BLOC1S3: variants seen among roughly 807,000 people sequenced by gnomAD.
BLOC1S3 encodes biogenesis of lysosomal organelles complex 1 subunit 3.
BLOC1S3 carries 7 observed loss-of-function variants against 9.1 expected under a neutral mutation model. The ratio of observed to expected loss-of-function variants is 0.77; its 90% CI spans 0.44 to 1.45. BLOC1S3 has a LOEUF of 1.45. Ranked by LOEUF, BLOC1S3 falls within the 40% of genes most tolerant of loss-of-function variation. BLOC1S3 has a pLI of 0.01. For missense variants in BLOC1S3, 307 were observed against 315.2 expected, an observed-to-expected ratio of 0.97 and a Z score of 0.20; for synonymous variants, 145 against 158.4, an observed-to-expected ratio of 0.92 and a Z score of 0.64.
rs1969494571 is a variant in BLOC1S3, at chr19:45,180,048, T to C, written c.*143T>C. The C allele has an allele frequency of 1.1e-6, 1 of 896,212 alleles. No individual in the cohort carries two copies. 55.5% of individuals were successfully genotyped at this position (896,212 alleles called of 1,614,324 possible). ...ACCCATGGGGGCTAATCCGGTCCCCTTGGATAATGCTTTATATTGGATATA... is the reference window on the plus strand; with the variant it reads ...ACCCATGGGGGCTAATCCGGTCCCCCTGGATAATGCTTTATATTGGATATA... On this transcript the variant is annotated 3_prime_UTR_variant, in exon 2 of 2. Transcript: ENST00000433642.
intron 2 of BLOC1S3, among the ~76,000 whole-genome samples, chr19:45,188,233 G>T (rs1334245765): frequency 6.6e-6 from 1 of 152,174 alleles, no homozygotes; most frequent in Non-Finnish European, 1.5e-5. Context: ...ATGTTGGCCA[G>T]GCTGGTCTCG....
chr19:45,213,240 G>C (rs536261489), intron 3 of BLOC1S3: 2 of 1,613,266 alleles, frequency 1.2e-6, no homozygotes, highest in African/African-American at 2.7e-5. Context: ...GGTCCCGAGG[G>C]GGTGACAGGG....
rs571081592 is a variant in BLOC1S3, at chr19:45,210,564, G to A, written n.283-6112G>A. Among the ~76,000 whole-genome samples the A allele has an allele frequency of 9.3e-5, 14 of 151,244 alleles. No individual in the cohort carries two copies. In the East Asian group the frequency reaches 2.1e-3, roughly 23 times the overall value. On this transcript the variant is annotated intron_variant and non_coding_transcript_variant, in intron 3 of 3. Coordinates refer to the BLOC1S3 transcript ENST00000591569. ...TCCGCCCACCTCGGCCTCCCAAAGCGCTGGGATTACAGGTGTGAGCCACCT... is the reference window on the plus strand; with the variant it reads ...TCCGCCCACCTCGGCCTCCCAAAGCACTGGGATTACAGGTGTGAGCCACCT...
intron 2 of BLOC1S3, among the ~76,000 whole-genome samples, chr19:45,199,254 A>T (rs1424573801): frequency 5.3e-5 from 8 of 150,004 alleles, no homozygotes; most frequent in Admixed American, 5.3e-4. Context: ...GGCCAATAAA[A>T]CTCAGATTTT....
At chr19:45,183,925 A>G (rs1308328336), downstream of BLOC1S3, among the ~76,000 whole-genome samples, 1 of 151,890 alleles carries the variant, frequency 6.6e-6, no homozygotes, top group Non-Finnish European at 1.5e-5. Context: ...ATGAGCCACC[A>G]CACCTGGTCA....
chr19:45,192,701 A>G (rs1167787656), intron 2 of BLOC1S3, among the ~76,000 whole-genome samples: 2 of 152,186 alleles, frequency 1.3e-5, no homozygotes, highest in Admixed American at 1.3e-4. Context: ...AGATGTTTCT[A>G]GAAATCGCCT....
Position 45,179,504 on chromosome 19 carries a change from G to C in BLOC1S3, c.208G>C (p.Glu70Gln). 8 of 1,523,818 alleles carry C rather than the reference G, an allele frequency of 5.2e-6. No individual in the cohort carries two copies. Among genetic ancestry groups the C allele is most frequent in the Non-Finnish European group, 7.0e-6 (8 of 1,142,836 alleles). 94.4% of individuals were successfully genotyped at this position (1,523,818 alleles called of 1,614,324 possible). A position where few individuals can be genotyped will look rare whatever the true frequency, so the allele number is the denominator to read the frequency against. The change falls in exon 2 of 2, where the codon GAG becomes CAG. Residue 70 changes from glutamate (E) to glutamine (Q), a missense_variant. Physicochemically the swap from Glu to Gln is conservative, Grantham distance 29. Coordinates refer to ENST00000433642, the MANE Select transcript of BLOC1S3 (RefSeq NM_212550.5). The surrounding 1 kb of genome is among the most constrained non-coding windows in gnomAD (Gnocchi z 4.6). Reference protein sequence around the residue: ...AAETDSEPEPEPEPTAAPRDL... With the variant: ...AAETDSEPEPQPEPTAAPRDL... ...GGAGACCGACTCGGAGCCGGAGCCG[G>C]AGCCGGAACCGACGGCCGCGCCGAG...
intron 3 of BLOC1S3, among the ~76,000 whole-genome samples, chr19:45,213,719 C>T (rs994271638): frequency 1.1e-4 from 17 of 151,728 alleles, no homozygotes; most frequent in South Asian, 2.1e-4. Flanking sequence ...CCAAGGCAGG[C>T]GGATCACCTG....
At chr19:45,216,903 A>G (rs1482577026) in exon 4 of BLOC1S3, 1 of 150,936 alleles carries the variant, frequency 6.6e-6, no homozygotes, top group Non-Finnish European at 1.5e-5. Flanking sequence ...AGGCCCTTCC[A>G]GCCCAGCTGA....
At chr19:45,199,592 G>A (rs1969674375) in intron 2 of BLOC1S3, among the ~76,000 whole-genome samples, 1 of 151,974 alleles carries the variant, frequency 6.6e-6, no homozygotes, top group Non-Finnish European at 1.5e-5. Context: ...GGGATTACAG[G>A]TGTGAGCCAC....
intron 2 of BLOC1S3, among the ~76,000 whole-genome samples, chr19:45,194,231 G>C (rs955239278): frequency 1.4e-5 from 2 of 145,922 alleles, no homozygotes; most frequent in African/African-American, 5.1e-5. Context: ...TCCTGCCTCA[G>C]CCTCCCAAGT....
In BLOC1S3 at chr19:45,180,235, ATTTTTTT is replaced by A. The variant is rs34965337; in HGVS notation, c.*348_*354del. The A allele has an allele frequency of 2.0e-4, 18 of 90,522 alleles. No homozygotes were observed. Among genetic ancestry groups the A allele is most frequent in the Non-Finnish European group, 3.3e-4 (16 of 48,682 alleles). 5.6% of individuals were successfully genotyped at this position (90,522 alleles called of 1,614,324 possible). ...CTGTTTCCACCCTGGGGGCTCACCA[ATTTTTTT>A]TTTTTTTTTTTTTTTTTGGAGACAG... On this transcript the variant is annotated 3_prime_UTR_variant, in exon 2 of 2. Coordinates refer to ENST00000433642, the MANE Select transcript of BLOC1S3 (RefSeq NM_212550.5).
intron 3 of BLOC1S3, chr19:45,212,598 CTTTTTTTTTTTTT>C (rs530736333): frequency 9.0e-6 from 1 of 111,352 alleles, no homozygotes; most frequent in East Asian, 2.6e-4. Flanking sequence ...TTCCCCCTAC[CTTTTTTTTTTTTT>C]TTTTTTTTTG....
chr19:45,193,205 G>A (rs1224987552), intron 2 of BLOC1S3, among the ~76,000 whole-genome samples: 2 of 146,470 alleles, frequency 1.4e-5, no homozygotes, highest in African/African-American at 5.0e-5. Context: ...TCAGTGATAT[G>A]AAGTTAAAAC....
intron 3 of BLOC1S3, chr19:45,213,178 A>T: frequency 6.2e-7 from 1 of 1,601,870 alleles, no homozygotes. Context: ...GAAGAGAGGG[A>T]GGCTGAGACA....
At chr19:45,209,460 C>T (rs1057020531) in intron 3 of BLOC1S3, among the ~76,000 whole-genome samples, 5 of 151,644 alleles carry the variant, frequency 3.3e-5, no homozygotes, top group African/African-American at 7.3e-5. Context: ...CTTGCTCTGT[C>T]GCCCAGGTTG....
intron 2 of BLOC1S3, chr19:45,187,744 A>C (rs977526690): frequency 7.9e-5 from 12 of 152,024 alleles, no homozygotes; most frequent in Non-Finnish European, 1.3e-4. Context: ...TACAAAGGTA[A>C]AGTCCTCACT....
intron 3 of BLOC1S3, among the ~76,000 whole-genome samples, chr19:45,205,158 A>C (rs1969717619): frequency 7.0e-6 from 1 of 143,580 alleles, no homozygotes; most frequent in Admixed American, 7.1e-5. Context: ...TATGCTGCCC[A>C]CAAGAAATTG....
At chr19:45,195,982 C>T (rs3848526) in intron 2 of BLOC1S3, among the ~76,000 whole-genome samples, 61,198 of 152,078 alleles carry the variant, frequency 0.4, 13,194 homozygotes, top group Non-Finnish European at 0.46. Flanking sequence ...ATACGGTGAC[C>T]AAGCCATCTG....
Sources: gnomAD v4.1 joint callset for allele counts (sites outside exome capture counted in the v4.1 genomes callset) on GRCh38, gnomAD v4.1.1 for gene constraint, Gnocchi (gnomAD v3.1) non-coding constraint, MANE v1.5 for transcripts, NCBI Gene and HGNC (gene_info 2026-07-23, HGNC 2026-07-21) for gene names.